CCDC18: variants seen among roughly 807,000 people sequenced by gnomAD.
CCDC18 encodes coiled-coil domain containing 18.
A neutral mutation model predicts 196.0 loss-of-function variants in CCDC18; 157 were observed. That is an observed-to-expected ratio of 0.80 (90% CI 0.70 to 0.91). The LOEUF (loss-of-function observed/expected upper bound fraction) is 0.91. Ranked by LOEUF, CCDC18 falls within the 40% of genes least tolerant of loss-of-function variation. The pLI is 0.00. For missense variants in CCDC18, 1,465 were observed against 1,611.6 expected, an observed-to-expected ratio of 0.91 and a Z score of 1.56; for synonymous variants, 482 against 529.2, an observed-to-expected ratio of 0.91 and a Z score of 1.22.
At chr1:93,210,288 C>T (rs1415502388) in intron 9 of CCDC18, among the ~76,000 whole-genome samples, 1 of 152,132 alleles carries the variant, frequency 6.6e-6, no homozygotes, top group Non-Finnish European at 1.5e-5. Context: ...GGTGCATATG[C>T]TAGTGTAGCA....
chr1:93,276,028 C>G (rs903482585), intron 28 of CCDC18, among the ~76,000 whole-genome samples: 1 of 152,192 alleles, frequency 6.6e-6, no homozygotes, highest in South Asian at 2.1e-4. Flanking sequence ...CTAAAGGACT[C>G]TTAAGCAATT....
chr1:93,265,861 C>T (rs529491637), intron 27 of CCDC18, among the ~76,000 whole-genome samples: 8 of 152,208 alleles, frequency 5.3e-5, no homozygotes, highest in Non-Finnish European at 8.8e-5. Flanking sequence ...TTTAACACCC[C>T]ACTGTCAACA....
chr1:93,238,381 A>T (rs1235417036), intron 19 of CCDC18, among the ~76,000 whole-genome samples: 1 of 152,204 alleles, frequency 6.6e-6, no homozygotes, highest in Non-Finnish European at 1.5e-5. Context: ...ATACATGTAC[A>T]TTATACATGT....
intron 8 of CCDC18, 99 bp downstream of exon 8, chr1:93,205,730 CA>C: frequency 8.9e-7 from 1 of 1,119,592 alleles, no homozygotes; most frequent in Non-Finnish European, 1.3e-6. Context: ...TATAGGCTTA[CA>C]TTATATAGAA....
chr1:93,196,890 T>C (rs542349067), intron 6 of CCDC18, among the ~76,000 whole-genome samples: 10 of 152,344 alleles, frequency 6.6e-5, no homozygotes, highest in Admixed American at 5.2e-4. Context: ...AAATCCTGTA[T>C]GTTTGGAAAT....
At chr1:93,264,366 GAC>G (rs1390366800) in intron 26 of CCDC18, among the ~76,000 whole-genome samples, 2 of 152,236 alleles carry the variant, frequency 1.3e-5, no homozygotes, top group Non-Finnish European at 2.9e-5. Flanking sequence ...CCTAAAAATT[GAC>G]AGTGACTCCT....
At chr1:93,182,154 G>A (rs1649827309) in intron 1 of CCDC18, among the ~76,000 whole-genome samples, 1 of 152,130 alleles carries the variant, frequency 6.6e-6, no homozygotes, top group Admixed American at 6.5e-5. Context: ...AAACAAAAAA[G>A]GGAAAGAGGA....
intron 19 of CCDC18, among the ~76,000 whole-genome samples, chr1:93,238,803 G>A (rs1660388310): frequency 6.6e-6 from 1 of 152,128 alleles, no homozygotes; most frequent in East Asian, 1.9e-4. Flanking sequence ...CTAGTCTTCA[G>A]TTTCCTCCTC....
rs1664289075 is a variant in CCDC18, at chr1:93,264,874, A to C, written c.3858A>C (p.Glu1286Asp). ...QQVQDRNEVIEAANEALLTKE... is the reference protein window; with the variant it reads ...QQVQDRNEVIDAANEALLTKE... ...TCCAAGATAGGAATGAAGTAATTGA[A>C]GCTGCAAATGAAGCATTACTTACTA... The change falls in exon 27 of 29, where the codon GAA (glutamate) becomes GAC (aspartate). Residue 1286 changes from glutamate to aspartate, a missense_variant. Glu to Asp is a conservative substitution (Grantham distance 45). Transcript: ENST00000690025. 6.2e-7 allele frequency: 1 copy of C among 1,611,894 alleles called. No individual in the cohort carries two copies. The highest frequency in any genetic ancestry group is 8.5e-7 in the Non-Finnish European group (1 of 1,178,186).
chr1:93,276,101 C>CA (rs1665608043), intron 28 of CCDC18, among the ~76,000 whole-genome samples: 1 of 152,198 alleles, frequency 6.6e-6, no homozygotes, highest in African/African-American at 2.4e-5. Context: ...TATCAGCTGG[C>CA]CTAAATCCAG....
Position 93,183,365 on chromosome 1 carries a change from G to C in CCDC18, c.4G>C (p.Glu2Gln). 6.5e-7 allele frequency: 1 copy of C among 1,544,666 alleles called. No homozygotes were observed. The change falls in exon 2 of 29, where the codon GAA (glutamate) becomes CAA (glutamine). Residue 2 changes from glutamate to glutamine, a missense_variant. Coordinates refer to ENST00000690025, the MANE Select transcript of CCDC18 (RefSeq NM_001378204.1). ...AAATTCATTTTTTTTTTAAGAAATG[G>C]AATCTAGTTCATCAGACTACTATAA... M[E>Q]SSSSDYYNKD...
chr1:93,189,145 G>A (rs1292142487), intron 4 of CCDC18, among the ~76,000 whole-genome samples: 1 of 151,978 alleles, frequency 6.6e-6, no homozygotes, highest in Non-Finnish European at 1.5e-5. Flanking sequence ...CCGGCCTCTG[G>A]TAACCATCCT....
At chr1:93,272,630 A>C (rs956443456) in intron 28 of CCDC18, among the ~76,000 whole-genome samples, 1 of 152,242 alleles carries the variant, frequency 6.6e-6, no homozygotes, top group South Asian at 2.1e-4. Context: ...TATGACCCTC[A>C]TAAGACTGGC....
At chr1:93,240,567 A>G (rs1332851356) in intron 21 of CCDC18, among the ~76,000 whole-genome samples, 1 of 152,224 alleles carries the variant, frequency 6.6e-6, no homozygotes, top group African/African-American at 2.4e-5. Context: ...GAACAGGATA[A>G]AGAGCAGCAA....
chr1:93,225,319 C>T (rs576969506), intron 16 of CCDC18, among the ~76,000 whole-genome samples: 3 of 152,200 alleles, frequency 2.0e-5, no homozygotes, highest in Admixed American at 6.5e-5. Context: ...TTGAGTTGCT[C>T]TTTGGTATTA....
In CCDC18 at chr1:93,201,897, A is replaced by AACG; in HGVS notation, c.707_709dup (p.Arg236dup). 1 of 1,578,148 alleles carries AACG rather than the reference A, an allele frequency of 6.3e-7. No homozygotes were observed. The highest frequency in any genetic ancestry group is 1.4e-5 in the African/African-American group (1 of 73,170). On this transcript the variant is annotated inframe_insertion, in exon 7 of 29. Transcript: ENST00000690025. The stretch of plus-strand genomic sequence containing the variant: ...TATCTCTTTTTAAATTTTAGAGCTG[A>AACG]ACGACAAAGGAATGAAGCACTATAT...
chr1:93,223,900 T>TACACACAC (rs60165485), intron 16 of CCDC18, among the ~76,000 whole-genome samples: 13 of 141,298 alleles, frequency 9.2e-5, no homozygotes, highest in African/African-American at 2.1e-4. Context: ...CATTTATTTA[T>TACACACAC]ACACACACAC....
At position 93,264,733 on chromosome 1, in the gene CCDC18, G is replaced by A; in HGVS notation, c.3717G>A (p.Trp1239Ter). Residue 1239 changes from tryptophan to a stop codon, truncating the protein, a stop_gained, in exon 27 of 29, where the codon TGG becomes TGA. Coordinates refer to ENST00000690025, the MANE Select transcript of CCDC18 (RefSeq NM_001378204.1). LOFTEE classifies it high-confidence loss of function. ...MISHQENHAK[W>*]KISADSQKSS... is the part of the protein sequence containing the mutation. ...CACATCAAGAGAACCATGCAAAGTGGAAGATTTCTGCTGACTCTCAAAAGT... is the reference window on the plus strand; with the variant it reads ...CACATCAAGAGAACCATGCAAAGTGAAAGATTTCTGCTGACTCTCAAAAGT... The A allele has an allele frequency of 6.2e-7, 1 of 1,612,970 alleles. No individual in the cohort carries two copies. The highest frequency in any genetic ancestry group is 1.1e-5 in the South Asian group (1 of 91,010).
In CCDC18 at chr1:93,258,858, ATC is replaced by A. The variant is rs761268563; in HGVS notation, c.3662_3663del (p.Leu1221GlnfsTer23). On this transcript the variant is annotated frameshift_variant, in exon 26 of 29. Coordinates refer to ENST00000690025, the MANE Select transcript of CCDC18 (RefSeq NM_001378204.1). LOFTEE classifies it high-confidence loss of function. ...TCAAGAAATTGTCAGCAGAAGTAGAATCTCTCAAAGAAGCTTATCATATGGAG... is the reference window on the plus strand; with the variant it reads ...TCAAGAAATTGTCAGCAGAAGTAGAATCTCAAAGAAGCTTATCATATGGAG... ...EIKKLSAEVE[S>X]LKEAYHMEMI... The A allele has an allele frequency of 1.1e-5, 18 of 1,601,828 alleles. No individual in the cohort carries two copies. Among genetic ancestry groups the A allele is most frequent in the Non-Finnish European group, 1.5e-5 (18 of 1,174,798 alleles).
Sources: allele counts gnomAD v4.1 joint callset (sites outside exome capture counted in the v4.1 genomes callset), GRCh38; gene constraint gnomAD v4.1.1; transcripts MANE v1.5; gene names NCBI Gene and HGNC (gene_info 2026-07-23, HGNC 2026-07-21).